The following PIAS2 variants were observed in gnomAD, a reference collection of about 807,000 sequenced individuals.
The protein encoded by PIAS2 is protein inhibitor of activated STAT 2, also known as E3 SUMO-protein ligase PIAS2.
A neutral mutation model predicts 69.7 loss-of-function variants in PIAS2; 19 were observed. The observed-to-expected ratio is 0.27, with a 90% CI of 0.19 to 0.40. PIAS2 has a LOEUF of 0.40. Ranked by LOEUF, PIAS2 falls within the 10% of genes least tolerant of loss-of-function variation. PIAS2 has a pLI of 1.00. For missense variants in PIAS2, 624 were observed against 757.0 expected, an observed-to-expected ratio of 0.82 and a Z score of 2.06; for synonymous variants, 261 against 263.2, an observed-to-expected ratio of 0.99 and a Z score of 0.08.
chr18:46,844,167 A>C, intron 7 of PIAS2, 40 bp from the exon 8 acceptor site: 1 of 1,040,364 alleles, frequency 9.6e-7, no homozygotes, highest in East Asian at 2.6e-5. Context: ...AAAAAAATTA[A>C]GGGTGACAAA....
At chr18:46,830,840 A>G (rs1222833790) in intron 9 of PIAS2, among the ~76,000 whole-genome samples, 2 of 152,178 alleles carry the variant, frequency 1.3e-5, no homozygotes, top group Non-Finnish European at 2.9e-5. Context: ...CTTCCAACTC[A>G]TTGTACAAGG....
intron 9 of PIAS2, among the ~76,000 whole-genome samples, chr18:46,831,492 GCTGATTCCAAAAT>G (rs1209759721): frequency 6.6e-6 from 1 of 152,150 alleles, no homozygotes; most frequent in African/African-American, 2.4e-5. Context: ...TAATTGACAA[GCTGATTCCAAAAT>G]CTGTATGAAA....
In PIAS2 at chr18:46,836,503, C is replaced by T. The variant is rs749367210; in HGVS notation, c.1056G>A (p.Arg352=). The change falls in exon 9 of 14, where the codon AGG becomes AGA. Residue 352 remains arginine, a synonymous_variant. Transcript: ENST00000585916. ...TCACTGCACGGCATGGGATTGTCAGCCTCATTTTTCCTAACTACAGGACAG... is the reference window on the plus strand; with the variant it reads ...TCACTGCACGGCATGGGATTGTCAGTCTCATTTTTCCTAACTACAGGACAG... ...VSLMCPLGKM[R]LTIPCRAVTC... is the part of the protein sequence containing the mutation. 1.2e-6 allele frequency: 2 copies of T among 1,610,880 alleles called. No individual in the cohort carries two copies. The highest frequency in any genetic ancestry group is 1.7e-6 in the Non-Finnish European group (2 of 1,177,940).
Position 46,805,106 on chromosome 18 carries a change from A to C in PIAS2, c.*7327T>G, listed in dbSNP as rs1231309985. 6.6e-6 allele frequency: 1 copy of C among 152,244 alleles called. No homozygotes were observed. The highest frequency in any genetic ancestry group is 1.9e-4 in the East Asian group (1 of 5,194). 9.4% of individuals were successfully genotyped at this position (152,244 alleles called of 1,614,324 possible). A position where few individuals can be genotyped will look rare whatever the true frequency, so the allele number is the denominator to read the frequency against. On this transcript the variant is annotated 3_prime_UTR_variant, in exon 14 of 14. Transcript: ENST00000585916. ...TCTGTTTGAATTAAGCAGCAAAGTC[A>C]TCTTCTGAGAAGGAAGTGGCCTGAA...
At chr18:46,917,053 A>AC in intron 1 of PIAS2, 1 of 986,450 alleles carries the variant, frequency 1.0e-6, no homozygotes, top group Non-Finnish European at 1.2e-6. Flanking sequence ...GGGCGCCCCG[A>AC]CCCCCCGCGC....
chr18:46,904,495 A>G (rs1467728600), intron 1 of PIAS2, among the ~76,000 whole-genome samples: 1 of 152,178 alleles, frequency 6.6e-6, no homozygotes, highest in African/African-American at 2.4e-5. Flanking sequence ...TCAGGCCTGT[A>G]ATCCCAGCAC....
Position 46,836,526 on chromosome 18 carries a change from C to T in PIAS2, c.1042-9G>A. On this transcript the variant is annotated splice_polypyrimidine_tract_variant and intron_variant, in intron 8 of 13. Transcript: ENST00000585916. Reference sequence around the variant, plus strand: ...AGCCTCATTTTTCCTAACTACAGGACAGGAAACACAAGGAAAACTATTTCA... The same window carrying T: ...AGCCTCATTTTTCCTAACTACAGGATAGGAAACACAAGGAAAACTATTTCA... 6.3e-7 allele frequency: 1 copy of T among 1,599,722 alleles called. No homozygotes were observed. Among genetic ancestry groups the T allele is most frequent in the Non-Finnish European group, 8.5e-7 (1 of 1,170,388 alleles).
intron 2 of PIAS2, among the ~76,000 whole-genome samples, chr18:46,871,605 G>T (rs1174815023): frequency 1.3e-5 from 2 of 152,180 alleles, no homozygotes; most frequent in African/African-American, 4.8e-5. Context: ...GATAAACTTA[G>T]AGGTGGGACC....
At chr18:46,883,368 A>C (rs1035343928) in intron 2 of PIAS2, among the ~76,000 whole-genome samples, 2 of 152,332 alleles carry the variant, frequency 1.3e-5, no homozygotes, top group African/African-American at 4.8e-5. Flanking sequence ...TGATGCATAT[A>C]AACAGCGAAC....
Position 46,807,680 on chromosome 18 carries a change from A to C in PIAS2, c.*4753T>G, listed in dbSNP as rs2040778785. The C allele has an allele frequency of 6.6e-6, 1 of 152,172 alleles. No individual in the cohort carries two copies. The highest frequency in any genetic ancestry group is 2.4e-5 in the African/African-American group (1 of 41,400). The allele number at this position is 152,172 out of a possible 1,614,324, so 9.4% of individuals were successfully genotyped here. A position where few individuals can be genotyped will look rare whatever the true frequency, so the allele number is the denominator to read the frequency against. On this transcript the variant is annotated 3_prime_UTR_variant, in exon 14 of 14. Coordinates refer to ENST00000585916, the MANE Select transcript of PIAS2 (RefSeq NM_004671.5). ...CCAAAGTGCTGGGATTACAGGCGTGAGCCTCCATACCCGGCCCATGTCAGA... is the reference window on the plus strand; with the variant it reads ...CCAAAGTGCTGGGATTACAGGCGTGCGCCTCCATACCCGGCCCATGTCAGA...
intron 11 of PIAS2, among the ~76,000 whole-genome samples, chr18:46,821,380 A>G (rs1376119112): frequency 6.6e-6 from 1 of 152,182 alleles, no homozygotes; most frequent in African/African-American, 2.4e-5. Context: ...ACTTTTATTA[A>G]TATGTATGTA....
chr18:46,818,160 C>T (rs1370041408), intron 12 of PIAS2: 4 of 1,119,104 alleles, frequency 3.6e-6, no homozygotes, highest in South Asian at 4.4e-5. Flanking sequence ...TTGATGACAA[C>T]ACATTTTCCT....
intron 1 of PIAS2, among the ~76,000 whole-genome samples, chr18:46,892,835 T>A (rs2054266728): frequency 6.6e-6 from 1 of 152,172 alleles, no homozygotes; most frequent in Non-Finnish European, 1.5e-5. Flanking sequence ...ATATCAAAAC[T>A]ATCTTTTCAT....
intron 5 of PIAS2, among the ~76,000 whole-genome samples, chr18:46,851,903 G>A (rs1158724807): frequency 6.6e-6 from 1 of 152,158 alleles, no homozygotes; most frequent in Non-Finnish European, 1.5e-5. Flanking sequence ...CATATTCAGA[G>A]CTCTAATGGG....
At chr18:46,830,360 C>T (rs1490270462) in intron 9 of PIAS2, among the ~76,000 whole-genome samples, 1 of 151,698 alleles carries the variant, frequency 6.6e-6, no homozygotes, top group East Asian at 1.9e-4. Flanking sequence ...TAAGTCCGTA[C>T]CAGAAAAACC....
chr18:46,818,292 C>CT, intron 12 of PIAS2: 1 of 1,373,346 alleles, frequency 7.3e-7, no homozygotes, highest in Non-Finnish European at 9.5e-7. Context: ...CAATATGGCA[C>CT]TAGCAATAAT....
Position 46,844,722 on chromosome 18 carries a change from A to G in PIAS2, c.967+12T>C, listed in dbSNP as rs1203987564. 1.9e-6 allele frequency: 2 copies of G among 1,070,948 alleles called. No individual in the cohort carries two copies. Among genetic ancestry groups the G allele is most frequent in the South Asian group, 4.3e-5 (2 of 46,716 alleles). The allele number at this position is 1,070,948 out of a possible 1,614,324, so 66.3% of individuals were successfully genotyped here. On this transcript the variant is annotated intron_variant, in intron 7 of 13. Coordinates refer to ENST00000585916, the MANE Select transcript of PIAS2 (RefSeq NM_004671.5). ...TTTTTTTAAATGCTTGGTCTTATTA[A>G]ACATTACTTACTTAGTGCTCTGGAA...
rs1337096293 is a variant in PIAS2, at chr18:46,810,249, C to G, written c.*2184G>C. ...GCACAGAGATATCAGTTATAAGAACCAAGTAAATAAACTAATTTCTATTAA... is the reference window on the plus strand; with the variant it reads ...GCACAGAGATATCAGTTATAAGAACGAAGTAAATAAACTAATTTCTATTAA... On this transcript the variant is annotated 3_prime_UTR_variant, in exon 14 of 14. Transcript: ENST00000585916. The G allele has an allele frequency of 6.6e-6, 1 of 151,436 alleles. No homozygotes were observed. The highest frequency in any genetic ancestry group is 1.9e-4 in the East Asian group (1 of 5,160). 9.4% of individuals were successfully genotyped at this position (151,436 alleles called of 1,614,324 possible). A position where few individuals can be genotyped will look rare whatever the true frequency, so the allele number is the denominator to read the frequency against.
chr18:46,904,754 C>CAAA (rs767029961), intron 1 of PIAS2, among the ~76,000 whole-genome samples: 5,722 of 104,730 alleles, frequency 0.055, 150 homozygotes, highest in Non-Finnish European at 0.075. Flanking sequence ...CCATCCGTCT[C>CAAA]AAAAAAAAAA....
Sources: gnomAD v4.1 joint callset for allele counts (sites outside exome capture counted in the v4.1 genomes callset) on GRCh38, gnomAD v4.1.1 for gene constraint, MANE v1.5 for transcripts, NCBI Gene and HGNC (gene_info 2026-07-23, HGNC 2026-07-21) for gene names.